The following CREBRF variants were observed in gnomAD, a reference collection of about 807,000 sequenced individuals.
CREBRF encodes UPF0474 protein C5orf41.
A neutral mutation model predicts 66.1 loss-of-function variants in CREBRF; 5 were observed. The ratio of observed to expected loss-of-function variants is 0.08; its 90% confidence interval spans 0.04 to 0.16. The LOEUF (loss-of-function observed/expected upper bound fraction) is 0.16, where lower values mean the gene tolerates loss of function less well. CREBRF is among the 10% of genes least tolerant of loss of function. The pLI, the probability that CREBRF is intolerant of heterozygous loss-of-function variation, is 1.00. For synonymous variants in CREBRF, 229 were observed against 264.4 expected, an observed-to-expected ratio of 0.87 and a Z score of 1.30; for missense variants, 531 against 744.9, an observed-to-expected ratio of 0.71 and a Z score of 3.34.
At chr5:173,073,244 T>C (rs2113685703) in intron 1 of CREBRF, among the ~76,000 whole-genome samples, 1 of 152,336 alleles carries the variant, frequency 6.6e-6, no homozygotes, top group African/African-American at 2.4e-5. Context: ...CTTGGACAAA[T>C]CTCTTACCCT....
rs909944173 is a variant in CREBRF, at chr5:173,056,379, A to T, written c.-292A>T. 2.5e-6 allele frequency: 1 copy of T among 398,160 alleles called. No individual in the cohort carries two copies. The highest frequency in any genetic ancestry group is 3.6e-5 in the East Asian group (1 of 28,046). 24.7% of individuals were successfully genotyped at this position (398,160 alleles called of 1,614,324 possible). A position where few individuals can be genotyped will look rare whatever the true frequency, so the allele number is the denominator to read the frequency against. Reference sequence around the variant, plus strand: ...GTCACGCGATTTCCGGGAACCCGTCAGGAAGGACATAAACAAAACAAACCC... The same window carrying T: ...GTCACGCGATTTCCGGGAACCCGTCTGGAAGGACATAAACAAAACAAACCC... On this transcript the variant is annotated 5_prime_UTR_variant, in exon 1 of 9. Coordinates refer to ENST00000296953, the MANE Select transcript of CREBRF (RefSeq NM_153607.3).
rs369648703 is a variant in CREBRF, at chr5:173,123,069, C to A, written c.1682-11C>A. On this transcript the variant is annotated splice_polypyrimidine_tract_variant and intron_variant, in intron 7 of 8. Coordinates refer to ENST00000296953, the MANE Select transcript of CREBRF (RefSeq NM_153607.3). ...AGTGACATATTCCAAGTGTTTTGTT[C>A]TGTCTTACAGATAATTTATTGTTTG... 1.9e-6 allele frequency: 3 copies of A among 1,568,406 alleles called. No individual in the cohort carries two copies. Among genetic ancestry groups the A allele is most frequent in the Non-Finnish European group, 2.6e-6 (3 of 1,165,604 alleles).
chr5:173,060,691 G>T (rs1757244363), intron 1 of CREBRF, among the ~76,000 whole-genome samples: 1 of 150,524 alleles, frequency 6.6e-6, no homozygotes, highest in South Asian at 2.1e-4. Flanking sequence ...CAGATAATTG[G>T]TTCTGATTAT....
At position 173,094,453 on chromosome 5, in the gene CREBRF, A is replaced by G. The variant is rs74604029; in HGVS notation, c.1222+3052A>G. On this transcript the variant is annotated intron_variant, in intron 4 of 8. Transcript: ENST00000296953. Reference sequence around the variant, plus strand: ...CACATCCTCAATAACACTTGCTTTCATTTATCTTTTTGGTAATAGCCATGC... The same window carrying G: ...CACATCCTCAATAACACTTGCTTTCGTTTATCTTTTTGGTAATAGCCATGC... Among the ~76,000 whole-genome samples, 725 of 152,110 alleles carry G rather than the reference A, an allele frequency of 4.8e-3. 34 individuals are homozygous for G. The East Asian group carries it at 0.11, about 24-fold the overall frequency.
intron 1 of CREBRF, among the ~76,000 whole-genome samples, chr5:173,062,744 ATTC>A (rs1268711173): frequency 1.7e-5 from 2 of 118,348 alleles, no homozygotes; most frequent in African/African-American, 6.0e-5. Context: ...CTGTAAAATC[ATTC>A]TTTTTTTTTT....
chr5:173,097,427 T>A (rs1758504220), intron 4 of CREBRF, among the ~76,000 whole-genome samples: 1 of 152,074 alleles, frequency 6.6e-6, no homozygotes, highest in Admixed American at 6.6e-5. Flanking sequence ...GTATTTTTAG[T>A]AGAGATGAAG....
intron 4 of CREBRF, among the ~76,000 whole-genome samples, chr5:173,097,920 G>A (rs1758517209): frequency 6.7e-6 from 1 of 150,338 alleles, no homozygotes; most frequent in Non-Finnish European, 1.5e-5. Flanking sequence ...GCTAACTTTG[G>A]GTTAGTTCTT....
intron 7 of CREBRF, among the ~76,000 whole-genome samples, chr5:173,116,698 A>G (rs949744526): frequency 6.6e-6 from 1 of 151,060 alleles, no homozygotes; most frequent in African/African-American, 2.4e-5. Context: ...TTTGTGTACA[A>G]GTATTTGGGT....
intron 6 of CREBRF, among the ~76,000 whole-genome samples, chr5:173,112,018 G>A (rs1758881889): frequency 1.3e-5 from 2 of 152,156 alleles, no homozygotes; most frequent in South Asian, 4.1e-4. Context: ...AAATGATTAT[G>A]TTGTGTTTTC....
At chr5:173,068,110 T>G in intron 1 of CREBRF, 1 of 454,032 alleles carries the variant, frequency 2.2e-6, no homozygotes, top group Middle Eastern at 3.3e-4. Flanking sequence ...CATAATAACT[T>G]GCTGGTTGTC....
chr5:173,126,659 G>A (rs746864542), intron 8 of CREBRF, among the ~76,000 whole-genome samples: 8 of 152,090 alleles, frequency 5.3e-5, no homozygotes, highest in Non-Finnish European at 1.2e-4. Context: ...TAACCTATTC[G>A]CTATATGGAA....
intron 1 of CREBRF, among the ~76,000 whole-genome samples, chr5:173,078,009 T>G (rs1757819189): frequency 6.6e-6 from 1 of 152,244 alleles, no homozygotes; most frequent in Admixed American, 6.5e-5. Flanking sequence ...CTTTTGTGCA[T>G]AATGCTGCCA....
intron 1 of CREBRF, among the ~76,000 whole-genome samples, 157 bp from the exon 2 acceptor site, chr5:173,080,428 A>G (rs1288253200): frequency 6.6e-6 from 1 of 152,124 alleles, no homozygotes; most frequent in African/African-American, 2.4e-5. Context: ...AGTAAGTATT[A>G]AGATATGACC....
intron 7 of CREBRF, among the ~76,000 whole-genome samples, chr5:173,112,883 T>C (rs1223132857): frequency 6.6e-6 from 1 of 152,232 alleles, no homozygotes; most frequent in Non-Finnish European, 1.5e-5. Context: ...ATTGGAATTG[T>C]CTGTGTACTT....
At chr5:173,065,898 A>G (rs928070119) in intron 1 of CREBRF, among the ~76,000 whole-genome samples, 1 of 151,894 alleles carries the variant, frequency 6.6e-6, no homozygotes, top group African/African-American at 2.4e-5. Context: ...TGGCGTCCCA[A>G]AATGTGCGAT....
At chr5:173,104,438 T>C (rs559806440) in intron 4 of CREBRF, among the ~76,000 whole-genome samples, 1 of 152,210 alleles carries the variant, frequency 6.6e-6, no homozygotes, top group East Asian at 1.9e-4. Flanking sequence ...CTCAGCACTT[T>C]GGGAGGCTGA....
intron 8 of CREBRF, among the ~76,000 whole-genome samples, chr5:173,126,778 G>C (rs945196335): frequency 5.9e-5 from 9 of 152,122 alleles, no homozygotes; most frequent in African/African-American, 2.2e-4. Flanking sequence ...TTGGTAGTTT[G>C]TTCCTACCTT....
chr5:173,084,104 G>C (rs1013346154), intron 2 of CREBRF, among the ~76,000 whole-genome samples: 1 of 152,090 alleles, frequency 6.6e-6, no homozygotes, highest in Non-Finnish European at 1.5e-5. Context: ...CTCAAGGGTG[G>C]AAAGAAAAGG....
chr5:173,091,643 C>T lies in CREBRF; in HGVS notation c.1222+242C>T, dbSNP rs1561805045. 2.5e-6 allele frequency: 3 copies of T among 1,190,614 alleles called. No homozygotes were observed. In the African/African-American group the frequency reaches 4.8e-5, roughly 19 times the overall value. The allele number at this position is 1,190,614 out of a possible 1,614,324, so 73.8% of individuals were successfully genotyped here. A position where few individuals can be genotyped will look rare whatever the true frequency, so the allele number is the denominator to read the frequency against. ...GGGCTTATTTTTTATTATTTTATTT[C>T]TTATTTTTAAAATTAAAATAGAGAT... On this transcript the variant is annotated intron_variant, in intron 4 of 8. Transcript: ENST00000296953.
Sources: gnomAD v4.1 joint callset for allele counts (sites outside exome capture counted in the v4.1 genomes callset) on GRCh38, gnomAD v4.1.1 for gene constraint, MANE v1.5 for transcripts, NCBI Gene and HGNC (gene_info 2026-07-23, HGNC 2026-07-21) for gene names.